The following SYNRG variants were observed in gnomAD, a reference collection of about 807,000 sequenced individuals.
SYNRG encodes synergin gamma, also known as AP1 gamma subunit binding protein 1.
SYNRG carries 37 observed loss-of-function variants against 130.9 expected under a neutral mutation model. That is an observed-to-expected ratio of 0.28 (90% CI 0.22 to 0.37). SYNRG has a LOEUF of 0.37. Among genes scored for constraint, SYNRG ranks in the 10% least tolerant of loss-of-function variants. SYNRG has a pLI of 1.00. For synonymous variants in SYNRG, 539 were observed against 568.1 expected (o/e 0.95, Z 0.73); for missense variants, 1,338 against 1,588.9 (o/e 0.84, Z 2.68).
At chr17:37,572,895 T>C (rs1250803691) in intron 8 of SYNRG, among the ~76,000 whole-genome samples, 1 of 152,176 alleles carries the variant, frequency 6.6e-6, no homozygotes, top group Non-Finnish European at 1.5e-5. Context: ...AATGCCAATA[T>C]TGCATGGGAC....
At chr17:37,593,362 G>A (rs1274189631) in intron 3 of SYNRG, among the ~76,000 whole-genome samples, 1 of 152,078 alleles carries the variant, frequency 6.6e-6, no homozygotes, top group South Asian at 2.1e-4. Flanking sequence ...GCAGTGAGCC[G>A]AGATTGTACC....
At chr17:37,527,561 C>A (rs184814143) in intron 19 of SYNRG, among the ~76,000 whole-genome samples, 10 of 152,100 alleles carry the variant, frequency 6.6e-5, no homozygotes, top group Admixed American at 5.2e-4. Flanking sequence ...GTTCAACCAA[C>A]CTCAGATCAA....
intron 3 of SYNRG, among the ~76,000 whole-genome samples, chr17:37,594,267 CAAT>C (rs373558548): frequency 1.0e-4 from 13 of 125,812 alleles, no homozygotes; most frequent in South Asian, 7.9e-4. Flanking sequence ...ATATTAATTA[CAAT>C]AATATTAATT....
At chr17:37,572,436 A>G (rs2060504402) in intron 8 of SYNRG, among the ~76,000 whole-genome samples, 1 of 152,164 alleles carries the variant, frequency 6.6e-6, no homozygotes, top group South Asian at 2.1e-4. Flanking sequence ...GTTTCAAAAA[A>G]AAAAAGAAAA....
At chr17:37,520,365 A>G in intron 20 of SYNRG, 151 bp from the exon 21 acceptor site, 2 of 1,164,292 alleles carry the variant, frequency 1.7e-6, no homozygotes, top group Admixed American at 2.0e-5. Context: ...TTCCCTCCAC[A>G]GCTCCCCCGC....
intron 19 of SYNRG, 128 bp downstream of exon 19, chr17:37,535,851 C>CTAA: frequency 7.8e-7 from 1 of 1,286,452 alleles, no homozygotes; most frequent in Non-Finnish European, 1.1e-6. Flanking sequence ...GATCTCCCTC[C>CTAA]TTTAATATAA....
At chr17:37,556,412 T>C (rs754614313) in intron 13 of SYNRG, among the ~76,000 whole-genome samples, 4 of 151,158 alleles carry the variant, frequency 2.6e-5, no homozygotes, top group Non-Finnish European at 5.9e-5. Flanking sequence ...GATTGTGCCA[T>C]TGCACTCCAG....
Position 37,518,820 on chromosome 17 carries a change from G to T in SYNRG, c.*120C>A. ...GATGACGGGGGCCCCGTCCCTTGCG[G>T]TGTTCTTCATATCGATTCAGGGAAG... On this transcript the variant is annotated 3_prime_UTR_variant, in exon 22 of 22. Transcript: ENST00000612223. 7.0e-7 allele frequency: 1 copy of T among 1,433,574 alleles called. No individual in the cohort carries two copies. The highest frequency in any genetic ancestry group is 2.3e-5 in the East Asian group (1 of 42,856). 88.8% of individuals were successfully genotyped at this position (1,433,574 alleles called of 1,614,324 possible).
chr17:37,564,356 A>C (rs2059761199), intron 11 of SYNRG, among the ~76,000 whole-genome samples: 1 of 152,156 alleles, frequency 6.6e-6, no homozygotes, highest in Non-Finnish European at 1.5e-5. Flanking sequence ...CCAATTTCTC[A>C]GATATAAACT....
At chr17:37,582,033 G>A (rs1418866343) in intron 6 of SYNRG, among the ~76,000 whole-genome samples, 1 of 152,120 alleles carries the variant, frequency 6.6e-6, no homozygotes, top group Non-Finnish European at 1.5e-5. Context: ...AAAGTGCTGG[G>A]ATTATAGGCT....
At chr17:37,564,305 G>T (rs2059757926) in intron 11 of SYNRG, among the ~76,000 whole-genome samples, 1 of 152,146 alleles carries the variant, frequency 6.6e-6, no homozygotes, top group African/African-American at 2.4e-5. Flanking sequence ...AGGCTCAACT[G>T]CCATCTCTCC....
In SYNRG at chr17:37,540,529, T is replaced by G; in HGVS notation, c.3217A>C (p.Ser1073Arg). The G allele has an allele frequency of 6.2e-7, 1 of 1,613,784 alleles. No individual in the cohort carries two copies. The highest frequency in any genetic ancestry group is 8.5e-7 in the Non-Finnish European group (1 of 1,179,950). Residue 1073 changes from serine to arginine, a missense_variant, in exon 16 of 22, where the codon AGT becomes CGT. By Grantham distance (110) the Ser-to-Arg change is moderately radical. Transcript: ENST00000612223. ...DLSVQGSHKRSLSLGDKEISR... is the reference protein window; with the variant it reads ...DLSVQGSHKRRLSLGDKEISR... Reference sequence around the variant, plus strand: ...ATTTCTTTATCACCAAGGCTCAAACTCCTCTTGTGTGATCCTGGGAGAAGG... The same window carrying G: ...ATTTCTTTATCACCAAGGCTCAAACGCCTCTTGTGTGATCCTGGGAGAAGG...
chr17:37,587,936 T>C (rs559678686), intron 3 of SYNRG, among the ~76,000 whole-genome samples: 1 of 152,324 alleles, frequency 6.6e-6, no homozygotes, highest in East Asian at 1.9e-4. Flanking sequence ...GTAATTCTCC[T>C]ATCTCATTAA....
intron 7 of SYNRG, among the ~76,000 whole-genome samples, chr17:37,576,907 C>T (rs2060880477): frequency 6.6e-6 from 1 of 152,106 alleles, no homozygotes; most frequent in Non-Finnish European, 1.5e-5. Context: ...CAAAAGTTTG[C>T]CTCCTTGGCT....
chr17:37,539,310 G>A (rs1012076631), intron 16 of SYNRG, 65 bp from the exon 17 acceptor site: 13 of 1,537,888 alleles, frequency 8.5e-6, no homozygotes, highest in African/African-American at 4.1e-5. Context: ...TGATGACTCT[G>A]TCAATTCAAA....
chr17:37,541,394 C>T (rs2144859831), intron 15 of SYNRG: 2 of 326,848 alleles, frequency 6.1e-6, no homozygotes, highest in Admixed American at 6.4e-5. Flanking sequence ...AATGACCCAC[C>T]TACAGGGAGT....
chr17:37,585,005 C>T (rs2061589214), intron 5 of SYNRG, among the ~76,000 whole-genome samples: 1 of 152,160 alleles, frequency 6.6e-6, no homozygotes, highest in African/African-American at 2.4e-5. Context: ...TATTAAGTGT[C>T]CTGTGAAGGC....
intron 3 of SYNRG, among the ~76,000 whole-genome samples, chr17:37,590,812 AG>A (rs2062110145): frequency 1.3e-5 from 2 of 152,010 alleles, no homozygotes; most frequent in East Asian, 1.9e-4. Context: ...CCCTGGTACT[AG>A]GGATGCTGAG....
At chr17:37,528,074 A>G (rs954250558) in intron 19 of SYNRG, among the ~76,000 whole-genome samples, 14 of 152,346 alleles carry the variant, frequency 9.2e-5, no homozygotes, top group African/African-American at 3.4e-4. Flanking sequence ...AGTAGGAAGA[A>G]GAATGGACTC....
Sources: gnomAD v4.1 joint callset for allele counts (sites outside exome capture counted in the v4.1 genomes callset) on GRCh38, gnomAD v4.1.1 for gene constraint, MANE v1.5 for transcripts, NCBI Gene and HGNC (gene_info 2026-07-23, HGNC 2026-07-21) for gene names.